The following FHIT variants were observed in gnomAD, a reference collection of about 807,000 sequenced individuals.
FHIT encodes bis(5'-adenosyl)-triphosphatase.
FHIT carries 19 observed loss-of-function variants against 17.9 expected under a neutral mutation model. The observed-to-expected ratio is 1.06, with a 90% CI of 0.74 to 1.56. FHIT has a LOEUF of 1.56. Ranked by LOEUF, FHIT falls within the 40% of genes most tolerant of loss-of-function variation. The probability of loss-of-function intolerance (pLI) is 0.00; values close to 1 mark genes in which losing one functional copy is unlikely to be tolerated. For missense variants in FHIT, 248 were observed against 189.2 expected, an observed-to-expected ratio of 1.31 and a Z score of -1.82; for synonymous variants, 81 against 69.7, an observed-to-expected ratio of 1.16 and a Z score of -0.81.
intron 5 of FHIT, among the ~76,000 whole-genome samples, chr3:60,469,933 G>A (rs147527630): frequency 2.4e-3 from 372 of 152,080 alleles, no homozygotes; most frequent in African/African-American, 8.6e-3. Flanking sequence ...GGTGGTCTTG[G>A]GTAACTTCCA....
chr3:60,699,910 G>A (rs1196213011), intron 4 of FHIT, among the ~76,000 whole-genome samples: 2 of 151,908 alleles, frequency 1.3e-5, no homozygotes, highest in African/African-American at 2.4e-5. Flanking sequence ...TTGGGAGGCC[G>A]AGGCAGGTGG....
At chr3:59,910,925 A>G (rs1429844159) in intron 8 of FHIT, among the ~76,000 whole-genome samples, 2 of 152,238 alleles carry the variant, frequency 1.3e-5, no homozygotes, top group Admixed American at 6.5e-5. Context: ...ATTGTTTTGC[A>G]GACTTGTAGC....
chr3:60,606,941 TC>T (rs2038627712), intron 4 of FHIT, among the ~76,000 whole-genome samples: 1 of 152,156 alleles, frequency 6.6e-6, no homozygotes, highest in Admixed American at 6.6e-5. Flanking sequence ...GTTACCTGCT[TC>T]CACTGGAACT....
chr3:61,201,942 G>A (rs1430556844), intron 1 of FHIT, among the ~76,000 whole-genome samples: 1 of 149,642 alleles, frequency 6.7e-6, no homozygotes, highest in Non-Finnish European at 1.5e-5. Flanking sequence ...ACATATATGT[G>A]TGTGTATGTG....
chr3:61,042,414 C>T (rs780313155), intron 2 of FHIT, among the ~76,000 whole-genome samples: 6 of 151,968 alleles, frequency 3.9e-5, no homozygotes, highest in African/African-American at 7.3e-5. Flanking sequence ...TATGGAACCT[C>T]GGAGGTAAGT....
intron 5 of FHIT, among the ~76,000 whole-genome samples, chr3:60,422,110 A>G (rs1702496075): frequency 6.6e-6 from 1 of 152,148 alleles, no homozygotes; most frequent in Non-Finnish European, 1.5e-5. Flanking sequence ...GTCCATCAAA[A>G]TCTCAGCCTG....
At chr3:59,995,533 G>A (rs1246641192) in intron 7 of FHIT, among the ~76,000 whole-genome samples, 1 of 152,092 alleles carries the variant, frequency 6.6e-6, no homozygotes, top group East Asian at 1.9e-4. Context: ...CTTAACACCA[G>A]AGTAATGTTT....
At chr3:60,721,877 C>T (rs532933700) in intron 4 of FHIT, among the ~76,000 whole-genome samples, 78 of 152,218 alleles carry the variant, frequency 5.1e-4, no homozygotes, top group African/African-American at 1.8e-3. Flanking sequence ...ATTAAACTAA[C>T]AATAGTACAT....
chr3:60,571,329 C>A (rs2107663000), intron 4 of FHIT, among the ~76,000 whole-genome samples: 2 of 65,880 alleles, frequency 3.0e-5, no homozygotes, highest in Admixed American at 5.0e-4. Flanking sequence ...GGGCAAGACT[C>A]CATCGCAAAA....
rs141483349 is a variant in FHIT, at chr3:60,536,899, A to T, written c.64T>A (p.Ser22Thr). Residue 22 changes from serine to threonine, a missense_variant, in exon 5 of 10, where the codon TCC becomes ACC. By Grantham distance (58) the Ser-to-Thr change is moderately conservative. Transcript: ENST00000492590. Reference sequence around the variant, plus strand: ...GGTTTCCTATTCACAAGAGCGAAGGACAGTTCTGTTTTGAGAAACACTACA... The same window carrying T: ...GGTTTCCTATTCACAAGAGCGAAGGTCAGTTCTGTTTTGAGAAACACTACA... ...PSVVFLKTELSFALVNRKPVV... is the reference protein window; with the variant it reads ...PSVVFLKTELTFALVNRKPVV... The T allele has an allele frequency of 1.2e-6, 2 of 1,613,486 alleles. No homozygotes were observed. The highest frequency in any genetic ancestry group is 2.7e-5 in the African/African-American group (2 of 75,012).
intron 5 of FHIT, among the ~76,000 whole-genome samples, chr3:60,098,993 T>C (rs1267834642): frequency 6.6e-6 from 1 of 152,174 alleles, no homozygotes; most frequent in East Asian, 1.9e-4. Context: ...ATGGAAAGGA[T>C]AGGCCAATGA....
chr3:60,437,663 T>C (rs577408540), intron 5 of FHIT, among the ~76,000 whole-genome samples: 50 of 152,220 alleles, frequency 3.3e-4, no homozygotes, highest in Admixed American at 2.0e-3. Flanking sequence ...TATTTATCTG[T>C]GGTCACATGG....
At chr3:60,208,157 A>G (rs78636541) in intron 5 of FHIT, among the ~76,000 whole-genome samples, 5 of 152,206 alleles carry the variant, frequency 3.3e-5, no homozygotes, top group Non-Finnish European at 5.9e-5. Context: ...TCTGTGTACA[A>G]GAACTGCTGA....
intron 3 of FHIT, among the ~76,000 whole-genome samples, chr3:60,917,398 A>C (rs1707060615): frequency 6.6e-6 from 1 of 152,202 alleles, no homozygotes; most frequent in Non-Finnish European, 1.5e-5. Context: ...TCTTCTTTAC[A>C]CAGCAGCTGA....
chr3:60,058,474 T>C (rs1177237820), intron 5 of FHIT, among the ~76,000 whole-genome samples: 2 of 152,200 alleles, frequency 1.3e-5, no homozygotes, highest in Non-Finnish European at 2.9e-5. Context: ...TGGAGTTGGA[T>C]AGTGTGATGA....
At chr3:60,508,517 T>G (rs531455725) in intron 5 of FHIT, among the ~76,000 whole-genome samples, 8 of 152,348 alleles carry the variant, frequency 5.3e-5, no homozygotes, top group African/African-American at 1.9e-4. Context: ...TTAGGAAAAC[T>G]CTTTGGACAA....
chr3:60,416,953 G>A (rs1702269645), intron 5 of FHIT, among the ~76,000 whole-genome samples: 1 of 152,050 alleles, frequency 6.6e-6, no homozygotes, highest in Admixed American at 6.6e-5. Flanking sequence ...GCCGGGCGTG[G>A]TGGCAGGCGC....
At chr3:61,022,073 G>GTCT (rs2032469292) in intron 3 of FHIT, among the ~76,000 whole-genome samples, 2 of 152,024 alleles carry the variant, frequency 1.3e-5, no homozygotes, top group Non-Finnish European at 2.9e-5. Flanking sequence ...TTTTTGAAAA[G>GTCT]ATTAACAAAA....
At chr3:60,490,798 T>C (rs981251104) in intron 5 of FHIT, among the ~76,000 whole-genome samples, 2 of 152,114 alleles carry the variant, frequency 1.3e-5, no homozygotes, top group Non-Finnish European at 2.9e-5. Flanking sequence ...ATTTAACAAA[T>C]TCCCAAAACA....
Sources: allele counts gnomAD v4.1 joint callset (sites outside exome capture counted in the v4.1 genomes callset), GRCh38; gene constraint gnomAD v4.1.1; transcripts MANE v1.5; gene names NCBI Gene and HGNC (gene_info 2026-07-23, HGNC 2026-07-21).